RBX1: variants seen among roughly 807,000 people sequenced by gnomAD.
RBX1 encodes ring-box 1.
For synonymous variants in RBX1, 48 were observed against 47.9 expected (o/e 1.00, Z -0.01); for missense variants, 46 against 141.4 (o/e 0.33, Z 3.42).
At chr22:40,953,249 C>T (rs943476010) in intron 1 of RBX1, among the ~76,000 whole-genome samples, 2 of 152,128 alleles carry the variant, frequency 1.3e-5, no homozygotes, top group Non-Finnish European at 2.9e-5. Context: ...CTCGGCCTCC[C>T]AAAATGCTAG....
intron 2 of RBX1, among the ~76,000 whole-genome samples, chr22:40,960,886 G>A (rs2058337975): frequency 6.6e-6 from 1 of 151,976 alleles, no homozygotes; most frequent in Non-Finnish European, 1.5e-5. Context: ...AGCCTCTCTA[G>A]TAGCTGGGAT....
rs1392442698 is a variant in RBX1 at position 40,969,993 on chromosome 22, G to A, written c.314+2109G>A. Among the ~76,000 whole-genome samples, 4 of 150,978 alleles carry A rather than the reference G, an allele frequency of 2.6e-5. No individual in the cohort carries two copies. In the South Asian group the frequency reaches 6.3e-4, roughly 24 times the overall value. ...GGAGGATCGCTTGAGCCCAGGAGGC[G>A]GAGGTTGCAGTAAGCTGAGATCATG... On this transcript the variant is annotated intron_variant, in intron 4 of 4. Transcript: ENST00000216225.
chr22:40,967,590 A>G (rs1884901450), intron 3 of RBX1: 3 of 482,254 alleles, frequency 6.2e-6, no homozygotes, highest in Admixed American at 3.3e-5. Context: ...TTCCTTTAGT[A>G]GTAATGACAT....
chr22:40,965,664 CT>C (rs2058352435), intron 3 of RBX1, among the ~76,000 whole-genome samples: 1 of 152,102 alleles, frequency 6.6e-6, no homozygotes, highest in Non-Finnish European at 1.5e-5. Context: ...TGGTCTTAAA[CT>C]CCTGACCTTG....
chr22:40,961,097 T>G (rs1302310342), intron 2 of RBX1, among the ~76,000 whole-genome samples: 5 of 148,470 alleles, frequency 3.4e-5, no homozygotes, highest in Non-Finnish European at 7.5e-5. Context: ...TTTTTTTTTT[T>G]TTTTTTTGAT....
At chr22:40,966,157 G>A (rs1429896005) in intron 3 of RBX1, 2 of 152,206 alleles carry the variant, frequency 1.3e-5, no homozygotes, top group Non-Finnish European at 2.9e-5. Flanking sequence ...TGCCAGGGTT[G>A]ATGTGAGGCC....
At chr22:40,964,354 T>G (rs1486919534) in intron 3 of RBX1, 4 of 380,642 alleles carry the variant, frequency 1.1e-5, no homozygotes, top group African/African-American at 4.1e-5. Flanking sequence ...CCCAATTTTG[T>G]TAGCAGTATT....
Position 40,953,407 on chromosome 22 carries a change from T to C in RBX1, c.79-148T>C, listed in dbSNP as rs145070577. 401 of 563,410 alleles carry C rather than the reference T, an allele frequency of 7.1e-4. 6 individuals carry two copies. In the East Asian group the frequency reaches 0.013, roughly 18 times the overall value. 34.9% of individuals were successfully genotyped at this position (563,410 alleles called of 1,614,324 possible). On this transcript the variant is annotated intron_variant, in intron 1 of 4. Transcript: ENST00000216225. ...GTGTAGTCTACTGTTGTCTTTGGTATAATAAGATTAACGTAATATCCAAAA... is the reference window on the plus strand; with the variant it reads ...GTGTAGTCTACTGTTGTCTTTGGTACAATAAGATTAACGTAATATCCAAAA...
intron 2 of RBX1, among the ~76,000 whole-genome samples, chr22:40,956,379 C>T (rs1222758274): frequency 1.3e-5 from 2 of 149,502 alleles, no homozygotes; most frequent in Non-Finnish European, 3.0e-5. Flanking sequence ...TGAGTGAGAT[C>T]GGGCAGGTCT....
intron 2 of RBX1, among the ~76,000 whole-genome samples, chr22:40,963,686 A>G (rs1258660461): frequency 6.6e-6 from 1 of 152,044 alleles, no homozygotes; most frequent in East Asian, 1.9e-4. Flanking sequence ...CCATCTCTAC[A>G]AAAAATACAA....
chr22:40,964,614 G>C (rs1432377606), intron 3 of RBX1, among the ~76,000 whole-genome samples: 3 of 152,208 alleles, frequency 2.0e-5, no homozygotes, highest in Non-Finnish European at 4.4e-5. Flanking sequence ...TTATTGGACT[G>C]AATGGCCTTC....
intron 4 of RBX1, among the ~76,000 whole-genome samples, chr22:40,968,888 C>T (rs1390509244): frequency 2.1e-5 from 3 of 144,808 alleles, no homozygotes; most frequent in South Asian, 2.2e-4. Flanking sequence ...TGGAGATTTT[C>T]CATTTCCACA....
rs115182306 is a variant in RBX1 at position 40,968,228 on chromosome 22, T to G, written c.314+344T>G. ...ACCTCAGCCTAGCAAGTGGCTGGGA[T>G]TACAAGTGTGTGCCACCATGCACAG... On this transcript the variant is annotated intron_variant, in intron 4 of 4. Transcript: ENST00000216225. Among the ~76,000 whole-genome samples, 1,256 of 151,898 alleles carry G rather than the reference T, an allele frequency of 8.3e-3. 16 individuals are homozygous for G. Among genetic ancestry groups the G allele is most frequent in the African/African-American group, 0.029 (1,204 of 41,420 alleles).
intron 3 of RBX1, chr22:40,967,330 C>G (rs552302864): frequency 6.5e-6 from 1 of 154,530 alleles, no homozygotes; most frequent in Admixed American, 6.4e-5. Flanking sequence ...TGACCATGCA[C>G]TTCTCTACCA....
At chr22:40,970,244 T>G (rs2058365373) in intron 4 of RBX1, among the ~76,000 whole-genome samples, 1 of 149,808 alleles carries the variant, frequency 6.7e-6, no homozygotes, top group Non-Finnish European at 1.5e-5. Flanking sequence ...CCCAGCTATT[T>G]GGGAGGCTGA....
Position 40,964,133 on chromosome 22 carries a change from T to C in RBX1, c.228+16T>C, listed in dbSNP as rs1387717994. ...AGTCTGTAACGTAAGGAAGCATCTTTACCTGTCAGCATGGCTTGTAAACAT... is the reference window on the plus strand; with the variant it reads ...AGTCTGTAACGTAAGGAAGCATCTTCACCTGTCAGCATGGCTTGTAAACAT... On this transcript the variant is annotated intron_variant, in intron 3 of 4. Transcript: ENST00000216225. The C allele has an allele frequency of 3.1e-6, 5 of 1,588,664 alleles. No individual in the cohort carries two copies. The highest frequency in any genetic ancestry group is 4.3e-6 in the Non-Finnish European group (5 of 1,156,892).
chr22:40,957,432 G>A (rs1266337025), intron 2 of RBX1, among the ~76,000 whole-genome samples: 4 of 151,830 alleles, frequency 2.6e-5, no homozygotes, highest in African/African-American at 9.7e-5. Flanking sequence ...GATCGCTTGA[G>A]CCTAGGAGTT....
At chr22:40,967,118 G>A (rs2058356399) in intron 3 of RBX1, 1 of 152,118 alleles carries the variant, frequency 6.6e-6, no homozygotes, top group Non-Finnish European at 1.5e-5. Context: ...TCCCTCATAA[G>A]AATACTTCCT....
At chr22:40,966,354 C>T (rs779852485) in intron 3 of RBX1, 6 of 152,236 alleles carry the variant, frequency 3.9e-5, no homozygotes, top group Non-Finnish European at 7.3e-5. Context: ...TATGCTCTGA[C>T]TTAGTTGGGC....
Sources: gnomAD v4.1 joint callset for allele counts (sites outside exome capture counted in the v4.1 genomes callset) on GRCh38, gnomAD v4.1.1 for gene constraint, MANE v1.5 for transcripts, NCBI Gene and HGNC (gene_info 2026-07-23, HGNC 2026-07-21) for gene names.